Variants in DLGAP2 observed in about 807,000 individuals in gnomAD.
DLGAP2 encodes the protein DLG associated protein 2.
A neutral mutation model predicts 100.3 loss-of-function variants in DLGAP2; 26 were observed. The ratio of observed to expected loss-of-function variants is 0.26; its 90% CI spans 0.19 to 0.36. DLGAP2 has a LOEUF of 0.36. Ranked by LOEUF, DLGAP2 falls within the 10% of genes least tolerant of loss-of-function variation. The probability of loss-of-function intolerance (pLI) is 1.00; values close to 1 mark genes in which losing one functional copy is unlikely to be tolerated. For synonymous variants in DLGAP2, 886 were observed against 630.1 expected (o/e 1.41, Z -6.08); for missense variants, 1,858 against 1,453.2 (o/e 1.28, Z -4.53).
At chr8:1,244,649 C>T (rs968996272) in intron 2 of DLGAP2, among the ~76,000 whole-genome samples, 2 of 151,926 alleles carry the variant, frequency 1.3e-5, no homozygotes, top group Non-Finnish European at 2.9e-5. Context: ...GGGTCGAAGA[C>T]CTAAAGGCAA....
At chr8:1,213,187 G>C (rs115989467) in intron 2 of DLGAP2, among the ~76,000 whole-genome samples, 1 of 152,084 alleles carries the variant, frequency 6.6e-6, no homozygotes, top group African/African-American at 2.4e-5. Flanking sequence ...GTTATTAGCT[G>C]TTTTGCGGGT....
chr8:1,051,246 G>C (rs2701910), intron 2 of DLGAP2, among the ~76,000 whole-genome samples: 1 of 151,784 alleles, frequency 6.6e-6, no homozygotes, highest in African/African-American at 2.4e-5. Context: ...TTTCTCCAGA[G>C]GCCTCATTGA....
chr8:1,459,740 C>T (rs1467193839), intron 3 of DLGAP2, among the ~76,000 whole-genome samples: 1 of 134,076 alleles, frequency 7.5e-6, no homozygotes, highest in Non-Finnish European at 1.5e-5. Flanking sequence ...TGCTGGAGTG[C>T]AGTGGCACAA....
intron 2 of DLGAP2, among the ~76,000 whole-genome samples, chr8:1,239,614 G>T (rs1303931593): frequency 1.5e-5 from 1 of 68,574 alleles, no homozygotes; most frequent in Non-Finnish European, 2.7e-5. Flanking sequence ...GCCGTGTCTA[G>T]TTCTCTCACA....
intron 1 of DLGAP2, among the ~76,000 whole-genome samples, chr8:848,026 T>G (rs1177897085): frequency 6.6e-6 from 1 of 152,146 alleles, no homozygotes; most frequent in African/African-American, 2.4e-5. Flanking sequence ...CCTGCAAGTG[T>G]GGGCCTGTTA....
At chr8:1,681,515 C>T (rs563020045) in intron 12 of DLGAP2, among the ~76,000 whole-genome samples, 12 of 151,842 alleles carry the variant, frequency 7.9e-5, no homozygotes, top group Non-Finnish European at 1.2e-4. Context: ...AAAAGTAGCC[C>T]GGTGTGGTGG....
intron 2 of DLGAP2, among the ~76,000 whole-genome samples, chr8:951,345 A>C (rs1334230729): frequency 6.6e-6 from 1 of 152,120 alleles, no homozygotes; most frequent in Non-Finnish European, 1.5e-5. Context: ...TCCCAGTTCA[A>C]GTGATTCTCC....
Position 859,666 on chromosome 8 carries a change from G to A in DLGAP2, c.19-48246G>A, listed in dbSNP as rs375575609. Among the ~76,000 whole-genome samples, 9 of 152,256 alleles carry A rather than the reference G, an allele frequency of 5.9e-5. No homozygotes were observed. The East Asian group carries it at 1.4e-3, about 23-fold the overall frequency. On this transcript the variant is annotated intron_variant, in intron 1 of 14. Coordinates refer to ENST00000637795, the MANE Select transcript of DLGAP2 (RefSeq NM_001346810.2). ...CAGCACCAGGCCTCTGGCTGCCTTC[G>A]GTGAGGAGCCAGGTCAACAAAGCAG...
At chr8:1,223,883 C>A (rs1297851116) in intron 2 of DLGAP2, among the ~76,000 whole-genome samples, 1 of 152,188 alleles carries the variant, frequency 6.6e-6, no homozygotes, top group Non-Finnish European at 1.5e-5. Context: ...TGTTCTCTAG[C>A]AAACAATGTG....
intron 3 of DLGAP2, among the ~76,000 whole-genome samples, chr8:1,350,060 C>T (rs139908968): frequency 2.6e-5 from 4 of 152,108 alleles, no homozygotes; most frequent in Non-Finnish European, 5.9e-5. Context: ...GAAACCGTTT[C>T]GATATTAAAC....
intron 2 of DLGAP2, among the ~76,000 whole-genome samples, chr8:927,551 C>T (rs1049357117): frequency 6.6e-6 from 1 of 152,166 alleles, no homozygotes; most frequent in African/African-American, 2.4e-5. Context: ...GCACTTAACG[C>T]CTCCGAGCCT....
intron 2 of DLGAP2, among the ~76,000 whole-genome samples, chr8:962,822 G>T (rs982393955): frequency 6.6e-6 from 1 of 152,174 alleles, no homozygotes; most frequent in Admixed American, 6.5e-5. Flanking sequence ...GTGGCCCTCA[G>T]GTGACAAGAG....
At chr8:1,201,003 C>G (rs1041822640) in intron 2 of DLGAP2, among the ~76,000 whole-genome samples, 2 of 152,178 alleles carry the variant, frequency 1.3e-5, no homozygotes, top group Non-Finnish European at 2.9e-5. Context: ...GCTGTCTCCC[C>G]GGACCCCACC....
chr8:1,307,419 T>G (rs1268337906), intron 3 of DLGAP2, among the ~76,000 whole-genome samples: 1 of 152,158 alleles, frequency 6.6e-6, no homozygotes, highest in Non-Finnish European at 1.5e-5. Context: ...GCATTTTTGG[T>G]GAGAATATAG....
chr8:1,535,781 G>A (rs939186146), intron 4 of DLGAP2, among the ~76,000 whole-genome samples: 1 of 152,220 alleles, frequency 6.6e-6, no homozygotes, highest in African/African-American at 2.4e-5. Flanking sequence ...ACATTGTTGA[G>A]CATCGATGTG....
chr8:1,499,850 A>T (rs1799656575), intron 3 of DLGAP2, among the ~76,000 whole-genome samples: 1 of 152,198 alleles, frequency 6.6e-6, no homozygotes, highest in South Asian at 2.1e-4. Context: ...AACCTCTACG[A>T]ACTTATTGAA....
chr8:1,209,897 C>A (rs149423589), intron 2 of DLGAP2, among the ~76,000 whole-genome samples: 1 of 152,168 alleles, frequency 6.6e-6, no homozygotes, highest in Non-Finnish European at 1.5e-5. Context: ...ATCCCACCTC[C>A]CTCCCTGAGA....
intron 3 of DLGAP2, among the ~76,000 whole-genome samples, chr8:1,372,408 C>T (rs912347331): frequency 2.6e-5 from 4 of 152,166 alleles, no homozygotes; most frequent in Non-Finnish European, 5.9e-5. Context: ...CCGTCTTGCC[C>T]TCACTCCTCC....
At chr8:1,437,953 T>C (rs1314146142) in intron 3 of DLGAP2, among the ~76,000 whole-genome samples, 1 of 151,676 alleles carries the variant, frequency 6.6e-6, no homozygotes, top group Non-Finnish European at 1.5e-5. Flanking sequence ...ACCACTGCAC[T>C]CCAGCCTGGG....
Sources: allele counts gnomAD v4.1 joint callset (sites outside exome capture counted in the v4.1 genomes callset), GRCh38; gene constraint gnomAD v4.1.1; transcripts MANE v1.5; gene names NCBI Gene and HGNC (gene_info 2026-07-23, HGNC 2026-07-21).